Variants in KLHL32 observed in about 807,000 individuals in gnomAD.
The protein encoded by KLHL32 is kelch-like protein 32.
A neutral mutation model predicts 64.8 loss-of-function variants in KLHL32; 35 were observed. The ratio of observed to expected loss-of-function variants is 0.54; its 90% CI spans 0.41 to 0.72. The LOEUF is 0.72. Ranked by LOEUF, KLHL32 falls within the 30% of genes least tolerant of loss-of-function variation. The probability of loss-of-function intolerance (pLI) is 0.00; values close to 1 mark genes in which losing one functional copy is unlikely to be tolerated. For synonymous variants in KLHL32, 259 were observed against 281.0 expected (o/e 0.92, Z 0.78); for missense variants, 589 against 768.5 (o/e 0.77, Z 2.76).
At chr6:97,098,493 G>T (rs1412168706) in intron 6 of KLHL32, among the ~76,000 whole-genome samples, 2 of 151,930 alleles carry the variant, frequency 1.3e-5, no homozygotes, top group Non-Finnish European at 2.9e-5. Flanking sequence ...CATAATTATT[G>T]TAATTTTACT....
chr6:97,081,132 G>A (rs1187486249), intron 5 of KLHL32, among the ~76,000 whole-genome samples: 1 of 152,186 alleles, frequency 6.6e-6, no homozygotes, highest in East Asian at 1.9e-4. Context: ...GGACTGCATA[G>A]GGAAGCCCCA....
At chr6:97,036,967 G>A (rs375854662) in intron 3 of KLHL32, among the ~76,000 whole-genome samples, 1 of 152,172 alleles carries the variant, frequency 6.6e-6, no homozygotes, top group African/African-American at 2.4e-5. Flanking sequence ...GCACTAAGCT[G>A]TACTATGTGG....
chr6:97,089,095 G>A (rs1332721682), intron 6 of KLHL32, among the ~76,000 whole-genome samples: 1 of 152,240 alleles, frequency 6.6e-6, no homozygotes, highest in Non-Finnish European at 1.5e-5. Context: ...TTATGCTAGA[G>A]TGGAAAGAAG....
intron 3 of KLHL32, among the ~76,000 whole-genome samples, chr6:97,035,023 G>A (rs1028322095): frequency 6.6e-6 from 1 of 151,888 alleles, no homozygotes; most frequent in African/African-American, 2.4e-5. Context: ...AGGACTTCCA[G>A]TACTAAGTTG....
chr6:97,130,859 T>C lies in KLHL32; in HGVS notation c.1516T>C (p.Tyr506His). Residue 506 changes from tyrosine to histidine, a missense_variant, in exon 9 of 11, where the codon TAC (tyrosine) becomes CAC (histidine). By Grantham distance (83) the Tyr-to-His change is moderately conservative. Coordinates refer to ENST00000369261, the MANE Select transcript of KLHL32 (RefSeq NM_052904.4). ...TGTTCTTGGAGGCAATGACCTAGAC[T>C]ACAATAATGACCGGATCCTTGTGCG... ...LYVLGGNDLDYNNDRILVRHI... is the reference protein window; with the variant it reads ...LYVLGGNDLDHNNDRILVRHI... 1 of 1,614,132 alleles carries C rather than the reference T, an allele frequency of 6.2e-7. No individual in the cohort carries two copies. The highest frequency in any genetic ancestry group is 8.5e-7 in the Non-Finnish European group (1 of 1,179,974).
At chr6:96,904,139 T>C in the KLHL32 span, among the ~76,000 whole-genome samples, 1 of 151,846 alleles carries the variant, frequency 6.6e-6, no homozygotes, top group Non-Finnish European at 1.5e-5. Flanking sequence ...GTCAGGAGAT[T>C]GAGACCAGCC....
At chr6:96,936,733 T>C (rs1770648047) in intron 1 of KLHL32, among the ~76,000 whole-genome samples, 1 of 152,210 alleles carries the variant, frequency 6.6e-6, no homozygotes, top group African/African-American at 2.4e-5. Flanking sequence ...TATATTTCTT[T>C]GCCTAAAACT....
chr6:96,959,731 A>G (rs1773680494), intron 1 of KLHL32, among the ~76,000 whole-genome samples: 1 of 152,126 alleles, frequency 6.6e-6, no homozygotes, highest in East Asian at 1.9e-4. Context: ...CGGTGGTTGC[A>G]GGTTCTGATC....
At chr6:96,947,063 C>G (rs1213411800) in intron 1 of KLHL32, among the ~76,000 whole-genome samples, 1 of 152,082 alleles carries the variant, frequency 6.6e-6, no homozygotes, top group Non-Finnish European at 1.5e-5. Flanking sequence ...ATCTGGGAGG[C>G]CATTAGGCTG....
chr6:97,099,349 C>T (rs1002875162), intron 6 of KLHL32, among the ~76,000 whole-genome samples: 1 of 152,176 alleles, frequency 6.6e-6, no homozygotes, highest in African/African-American at 2.4e-5. Flanking sequence ...GTTTCTTTTT[C>T]CTCTTCAGTG....
chr6:96,964,480 C>G (rs1372041660), intron 1 of KLHL32, among the ~76,000 whole-genome samples: 1 of 152,134 alleles, frequency 6.6e-6, no homozygotes, highest in South Asian at 2.1e-4. Flanking sequence ...GGTGAAACCC[C>G]GTCTCTACTT....
intron 6 of KLHL32, among the ~76,000 whole-genome samples, chr6:97,099,578 C>G (rs955823282): frequency 6.6e-6 from 1 of 152,182 alleles, no homozygotes; most frequent in Non-Finnish European, 1.5e-5. Flanking sequence ...CCACAGTCCT[C>G]TCTTCTCTCA....
At chr6:97,067,404 A>C (rs994818133) in intron 5 of KLHL32, among the ~76,000 whole-genome samples, 3 of 152,158 alleles carry the variant, frequency 2.0e-5, no homozygotes. Context: ...TGTGTGTGGG[A>C]AAAAGGAAAG....
At chr6:96,958,698 G>GGCTA (rs1773545304) in intron 1 of KLHL32, among the ~76,000 whole-genome samples, 3 of 133,990 alleles carry the variant, frequency 2.2e-5, no homozygotes, top group Middle Eastern at 4.3e-3. Context: ...GGCTAGAACT[G>GGCTA]GATCTTCACA....
intron 2 of KLHL32, among the ~76,000 whole-genome samples, chr6:96,974,435 G>A (rs1212012991): frequency 1.3e-5 from 2 of 152,106 alleles, no homozygotes; most frequent in Non-Finnish European, 2.9e-5. Flanking sequence ...GCTTCTGAAT[G>A]TGGTTTTTAA....
At chr6:97,014,291 T>C (rs559470861) in intron 3 of KLHL32, among the ~76,000 whole-genome samples, 9 of 146,638 alleles carry the variant, frequency 6.1e-5, no homozygotes, top group Admixed American at 1.3e-4. Flanking sequence ...CGAGACTCCG[T>C]CTCAAAAAAA....
At chr6:96,970,774 T>C (rs577636352) in intron 2 of KLHL32, among the ~76,000 whole-genome samples, 1 of 152,230 alleles carries the variant, frequency 6.6e-6, no homozygotes, top group African/African-American at 2.4e-5. Context: ...CTTTGCTTAT[T>C]ACTATGACCA....
At chr6:96,940,069 C>T (rs778938948) in intron 1 of KLHL32, among the ~76,000 whole-genome samples, 14 of 152,018 alleles carry the variant, frequency 9.2e-5, no homozygotes, top group Admixed American at 2.6e-4. Flanking sequence ...ACTGCAAGTG[C>T]GAAGGTAACA....
At chr6:96,985,078 A>G in intron 3 of KLHL32, among the ~76,000 whole-genome samples, 1 of 152,036 alleles carries the variant, frequency 6.6e-6, no homozygotes, top group Non-Finnish European at 1.5e-5. Context: ...TGGTGACAAA[A>G]TCTCTCAGTA....
Sources: gnomAD v4.1 joint callset for allele counts (sites outside exome capture counted in the v4.1 genomes callset) on GRCh38, gnomAD v4.1.1 for gene constraint, MANE v1.5 for transcripts, NCBI Gene and HGNC (gene_info 2026-07-23, HGNC 2026-07-21) for gene names.